ALCAM: variants seen among roughly 807,000 people sequenced by gnomAD.
ALCAM encodes CD166 antigen.
In ALCAM, 30 loss-of-function variants were observed where a neutral mutation model predicts 70.9. That is an observed-to-expected ratio of 0.42 (90% CI 0.32 to 0.57). ALCAM has a LOEUF of 0.57. Ranked by LOEUF, ALCAM falls within the 20% of genes least tolerant of loss-of-function variation. The pLI, the probability that ALCAM is intolerant of heterozygous loss-of-function variation, is 0.11. For synonymous variants in ALCAM, 249 were observed against 242.5 expected, an observed-to-expected ratio of 1.03 and a Z score of -0.25; for missense variants, 591 against 695.1, an observed-to-expected ratio of 0.85 and a Z score of 1.68.
intron 2 of ALCAM, among the ~76,000 whole-genome samples, chr3:105,521,431 A>C (rs1468790229): frequency 6.6e-6 from 1 of 152,118 alleles, no homozygotes; most frequent in African/African-American, 2.4e-5. Flanking sequence ...ATTTGACCAC[A>C]CAACTTTTTT....
chr3:105,489,554 A>G (rs568463975), intron 1 of ALCAM, among the ~76,000 whole-genome samples: 1 of 152,358 alleles, frequency 6.6e-6, no homozygotes, highest in Admixed American at 6.5e-5. Flanking sequence ...CATATTATCA[A>G]GTTTGATGGA....
chr3:105,572,734 C>T (rs1339241691), intron 15 of ALCAM, among the ~76,000 whole-genome samples: 5 of 152,114 alleles, frequency 3.3e-5, no homozygotes, highest in Non-Finnish European at 7.4e-5. Flanking sequence ...TCCACATTCT[C>T]TCAAAACAGG....
chr3:105,435,601 A>T (rs1937031883), intron 1 of ALCAM, among the ~76,000 whole-genome samples: 1 of 152,178 alleles, frequency 6.6e-6, no homozygotes, highest in Non-Finnish European at 1.5e-5. Context: ...GATTACATAA[A>T]AATGAAATTT....
chr3:105,502,909 C>G (rs1938963530), intron 1 of ALCAM, among the ~76,000 whole-genome samples: 1 of 152,220 alleles, frequency 6.6e-6, no homozygotes, highest in African/African-American at 2.4e-5. Context: ...CAAATAAATT[C>G]AGAAACTTCT....
intron 1 of ALCAM, among the ~76,000 whole-genome samples, chr3:105,414,217 C>A (rs1936454990): frequency 6.7e-6 from 1 of 148,494 alleles, no homozygotes. Flanking sequence ...TGGGCAAAAC[C>A]GATGGAATGA....
At chr3:105,462,401 A>T (rs1279429822) in intron 1 of ALCAM, among the ~76,000 whole-genome samples, 1 of 151,594 alleles carries the variant, frequency 6.6e-6, no homozygotes, top group Admixed American at 6.6e-5. Flanking sequence ...TATATATTTT[A>T]TGTAGCATTT....
At chr3:105,551,501 C>T (rs79525279) in intron 12 of ALCAM, among the ~76,000 whole-genome samples, 1,779 of 151,684 alleles carry the variant, frequency 0.012, 41 homozygotes, top group African/African-American at 0.041. Context: ...CTGGCAGTTC[C>T]GATGCATGCC....
intron 1 of ALCAM, among the ~76,000 whole-genome samples, chr3:105,508,396 T>A (rs1057330920): frequency 1.5e-4 from 23 of 152,168 alleles, no homozygotes; most frequent in Non-Finnish European, 2.9e-5. Flanking sequence ...CTCTTGACTT[T>A]GCAGGGAGAA....
intron 9 of ALCAM, among the ~76,000 whole-genome samples, chr3:105,546,110 T>TGATTGC (rs1940240648): frequency 6.6e-6 from 1 of 151,342 alleles, no homozygotes; most frequent in Non-Finnish European, 1.5e-5. Context: ...GAAAAGGTTG[T>TGATTGC]GATTGCGATC....
chr3:105,477,061 C>A (rs1258048639), intron 1 of ALCAM, among the ~76,000 whole-genome samples: 1 of 152,044 alleles, frequency 6.6e-6, no homozygotes, highest in African/African-American at 2.4e-5. Flanking sequence ...TGCCTCCCAC[C>A]ATGATTCTGA....
At chr3:105,554,375 A>C (rs1232722180) in intron 14 of ALCAM, among the ~76,000 whole-genome samples, 1 of 151,920 alleles carries the variant, frequency 6.6e-6, no homozygotes, top group Non-Finnish European at 1.5e-5. Flanking sequence ...CCCTCTTACT[A>C]AGCCTTTTTT....
At chr3:105,482,347 T>G (rs904410712) in intron 1 of ALCAM, among the ~76,000 whole-genome samples, 1 of 152,040 alleles carries the variant, frequency 6.6e-6, no homozygotes, top group Non-Finnish European at 1.5e-5. Context: ...CTTGGCCTCA[T>G]GTGATCTGCA....
chr3:105,502,967 CTTG>C (rs1216943622), intron 1 of ALCAM, among the ~76,000 whole-genome samples: 4 of 152,324 alleles, frequency 2.6e-5, no homozygotes, highest in African/African-American at 9.6e-5. Context: ...TATTACAGAA[CTTG>C]TTATTAACAT....
chr3:105,417,503 C>T (rs1303748767), intron 1 of ALCAM, among the ~76,000 whole-genome samples: 1 of 151,478 alleles, frequency 6.6e-6, no homozygotes, highest in Admixed American at 6.6e-5. Flanking sequence ...TGAGAAGATG[C>T]TAGGCTTTGT....
intron 1 of ALCAM, among the ~76,000 whole-genome samples, chr3:105,396,498 A>G (rs1935954170): frequency 6.6e-6 from 1 of 152,050 alleles, no homozygotes; most frequent in Admixed American, 6.6e-5. Flanking sequence ...CAAGATTACT[A>G]GAAACTTACT....
At chr3:105,396,533 C>T (rs1487382100) in intron 1 of ALCAM, among the ~76,000 whole-genome samples, 1 of 151,968 alleles carries the variant, frequency 6.6e-6, no homozygotes, top group Non-Finnish European at 1.5e-5. Flanking sequence ...AAGGTAGAAA[C>T]AAAGGATGAA....
intron 1 of ALCAM, among the ~76,000 whole-genome samples, chr3:105,459,258 A>G (rs1488010107): frequency 6.6e-6 from 1 of 152,140 alleles, no homozygotes; most frequent in African/African-American, 2.4e-5. Context: ...TCTCCTCTGT[A>G]AAGACTTCTT....
intron 1 of ALCAM, among the ~76,000 whole-genome samples, chr3:105,463,563 TGGGAATTTGG>T (rs2152598975): frequency 6.6e-6 from 1 of 151,528 alleles, no homozygotes; most frequent in South Asian, 2.1e-4. Context: ...TTACAAGAAT[TGGGAATTTGG>T]GGTGATTTGA....
At chr3:105,395,165 C>A (rs1251817486) in intron 1 of ALCAM, among the ~76,000 whole-genome samples, 1 of 142,168 alleles carries the variant, frequency 7.0e-6, no homozygotes, top group East Asian at 2.2e-4. Context: ...CAAAGGATTT[C>A]TGGTATTAAA....
Sources: gnomAD v4.1 joint callset for allele counts (sites outside exome capture counted in the v4.1 genomes callset) on GRCh38, gnomAD v4.1.1 for gene constraint, MANE v1.5 for transcripts, NCBI Gene and HGNC (gene_info 2026-07-23, HGNC 2026-07-21) for gene names.